Variants in FRMD1 observed in about 807,000 individuals in gnomAD.
FRMD1 encodes the protein FERM domain containing 1, also known as FERM domain-containing protein 1.
FRMD1 carries 51 observed loss-of-function variants against 54.9 expected under a neutral mutation model. That is an observed-to-expected ratio of 0.93 (90% CI 0.74 to 1.17). FRMD1 has a LOEUF of 1.17. Among genes scored for constraint, FRMD1 ranks in the 50% most tolerant of loss-of-function variants. The pLI is 0.00. For synonymous variants in FRMD1, 324 were observed against 306.4 expected (o/e 1.06, Z -0.60); for missense variants, 729 against 743.0 (o/e 0.98, Z 0.22).
At chr6:168,062,744 G>A (rs1217266739) in intron 7 of FRMD1, 150 bp downstream of exon 7, 31 of 1,568,724 alleles carry the variant, frequency 2.0e-5, no homozygotes, top group African/African-American at 9.5e-5. Flanking sequence ...CACCTCCTGC[G>A]GGACAGCAGA....
Position 168,054,200 on chromosome 6 carries a change from G to T in FRMD1, c.*2897C>A, listed in dbSNP as rs1799338543. The T allele has an allele frequency of 6.6e-6, 1 of 152,268 alleles. No individual in the cohort carries two copies. Among genetic ancestry groups the T allele is most frequent in the Non-Finnish European group, 1.5e-5 (1 of 68,094 alleles). The allele number at this position is 152,268 out of a possible 1,614,324, so 9.4% of individuals were successfully genotyped here. On this transcript the variant is annotated 3_prime_UTR_variant, in exon 11 of 11. Transcript: ENST00000283309. ...CCAGACCCCCGCAGCAGCAATGCAG[G>T]TTCCGGGGCCCAGCGAGACCCACAG... is the stretch of plus-strand genomic sequence containing the variant.
At chr6:168,061,390 G>A (rs1032250762) in intron 8 of FRMD1, among the ~76,000 whole-genome samples, 10 of 148,828 alleles carry the variant, frequency 6.7e-5, no homozygotes, top group Non-Finnish European at 1.5e-4. Context: ...AGGGAGGGAG[G>A]CCAGGCCTGT....
rs1433647966 is a variant in FRMD1 at position 168,053,258 on chromosome 6, A to T, written c.*3839T>A. Reference sequence around the variant, plus strand: ...TTTCTAACCTTGGCACCTGGAAGGCAGCCTCCCCATCACAGCTCGCCGCCG... The same window carrying T: ...TTTCTAACCTTGGCACCTGGAAGGCTGCCTCCCCATCACAGCTCGCCGCCG... On this transcript the variant is annotated 3_prime_UTR_variant, in exon 11 of 11. Coordinates refer to ENST00000283309, the MANE Select transcript of FRMD1 (RefSeq NM_024919.6). 1 of 152,200 alleles carries T rather than the reference A, an allele frequency of 6.6e-6. No homozygotes were observed. The highest frequency in any genetic ancestry group is 1.9e-4 in the East Asian group (1 of 5,172). The allele number at this position is 152,200 out of a possible 1,614,324, so 9.4% of individuals were successfully genotyped here. A position where few individuals can be genotyped will look rare whatever the true frequency, so the allele number is the denominator to read the frequency against.
intron 3 of FRMD1, 70 bp from the exon 4 acceptor site, chr6:168,066,901 G>T (rs543769946): frequency 2.0e-5 from 31 of 1,581,180 alleles, no homozygotes; most frequent in Non-Finnish European, 3.4e-6. Flanking sequence ...TGTCTTCCCA[G>T]TTGGGGGGGC....
intron 5 of FRMD1, among the ~76,000 whole-genome samples, chr6:168,064,337 G>A (rs1799914680): frequency 6.6e-6 from 1 of 152,230 alleles, no homozygotes; most frequent in African/African-American, 2.4e-5. Flanking sequence ...CATCCCCGGG[G>A]TGACAGCCAT....
intron 4 of FRMD1, chr6:168,066,139 C>T: frequency 1.0e-6 from 1 of 987,982 alleles, no homozygotes; most frequent in Non-Finnish European, 1.2e-6. Context: ...CAGCGACCTC[C>T]AGAAGCCTCG....
At chr6:168,075,382 C>T (rs1275187779) in intron 1 of FRMD1, 47 bp from the exon 2 acceptor site, 7 of 1,502,018 alleles carry the variant, frequency 4.7e-6, no homozygotes, top group Non-Finnish European at 6.4e-6. Flanking sequence ...GGCACCTGTC[C>T]CCAGGGAGGC....
intron 8 of FRMD1, among the ~76,000 whole-genome samples, 186 bp from the exon 9 acceptor site, chr6:168,061,243 C>T (rs142979563): frequency 2.4e-4 from 36 of 152,178 alleles, no homozygotes; most frequent in African/African-American, 5.3e-4. Context: ...GGACGTGGAA[C>T]AGGCAGGGAG....
At position 168,063,828 on chromosome 6, in the gene FRMD1, C is replaced by T. The variant is rs114522649; in HGVS notation, c.649-72G>A. On this transcript the variant is annotated intron_variant, in intron 5 of 10. Transcript: ENST00000283309. ...CTTCCTCCTTGCCAGCCCCCTGCTC[C>T]GAGAAGCTTCCCCAGACTCCCACAG... is the stretch of plus-strand genomic sequence containing the variant. 8.2e-4 allele frequency: 1,214 copies of T among 1,482,780 alleles called. 12 individuals carry two copies. The African/African-American group carries it at 0.015, about 18-fold the overall frequency. The allele number at this position is 1,482,780 out of a possible 1,614,324, so 91.9% of individuals were successfully genotyped here.
chr6:168,053,250 T>A lies in FRMD1; in HGVS notation c.*3847A>T, dbSNP rs1238634764. On this transcript the variant is annotated 3_prime_UTR_variant, in exon 11 of 11. Transcript: ENST00000283309. ...GGATTTGTTTTCTAACCTTGGCACC[T>A]GGAAGGCAGCCTCCCCATCACAGCT... The A allele has an allele frequency of 6.6e-6, 1 of 152,246 alleles. No homozygotes were observed. Among genetic ancestry groups the A allele is most frequent in the Non-Finnish European group, 1.5e-5 (1 of 68,074 alleles). The allele number at this position is 152,246 out of a possible 1,614,324, so 9.4% of individuals were successfully genotyped here.
Position 168,059,062 on chromosome 6 carries a change from G to C in FRMD1, c.1407+62C>G. Reference sequence around the variant, plus strand: ...AAGGTCCCCAGGGCCCCTGACAGGGGACCTAGGAGAAGGGGGTGGAGGAGC... The same window carrying C: ...AAGGTCCCCAGGGCCCCTGACAGGGCACCTAGGAGAAGGGGGTGGAGGAGC... On this transcript the variant is annotated intron_variant, in intron 10 of 10. Transcript: ENST00000283309. The surrounding 1 kb of genome is among the most constrained non-coding windows in gnomAD (Gnocchi z 4.4). 1 of 1,350,642 alleles carries C rather than the reference G, an allele frequency of 7.4e-7. No homozygotes were observed. The highest frequency in any genetic ancestry group is 2.5e-5 in the East Asian group (1 of 40,268). The allele number at this position is 1,350,642 out of a possible 1,614,324, so 83.7% of individuals were successfully genotyped here.
chr6:168,075,370 C>A (rs756202393), intron 1 of FRMD1, 35 bp from the exon 2 acceptor site: 7 of 1,569,190 alleles, frequency 4.5e-6, no homozygotes, highest in South Asian at 1.1e-5. Flanking sequence ...CAGGGAGGGG[C>A]CGGCACCTGT....
rs776229954 is a variant in FRMD1, at chr6:168,061,790, ACCCAG to A, written c.1045+12_1045+16del. 7.8e-6 allele frequency: 12 copies of A among 1,541,614 alleles called. No individual in the cohort carries two copies. The highest frequency in any genetic ancestry group is 1.0e-5 in the Non-Finnish European group (12 of 1,144,252). On this transcript the variant is annotated intron_variant, in intron 8 of 10. Transcript: ENST00000283309. Reference sequence around the variant, plus strand: ...ACAGTCCGGCTGCGGAGCCCAGCATACCCAGCCCAGCCCCACCTTCTGCCTCCTCC... The same window carrying A: ...ACAGTCCGGCTGCGGAGCCCAGCATACCCAGCCCCACCTTCTGCCTCCTCC...
At chr6:168,075,714 A>G in intron 1 of FRMD1, 1 of 1,514,204 alleles carries the variant, frequency 6.6e-7, no homozygotes, top group Non-Finnish European at 9.0e-7. Context: ...TTGGTTCCCC[A>G]TGAGCGCGAG....
At chr6:168,082,129 T>G (rs1167645055), upstream of FRMD1, among the ~76,000 whole-genome samples, 2 of 152,146 alleles carry the variant, frequency 1.3e-5, no homozygotes, top group Non-Finnish European at 2.9e-5. Context: ...GCAGCCTTCA[T>G]GTCCGGGAAT....
Position 168,065,225 on chromosome 6 carries a change from G to T in FRMD1, c.462-168C>A, listed in dbSNP as rs1443641885. On this transcript the variant is annotated intron_variant, in intron 4 of 10. Transcript: ENST00000283309. Reference sequence around the variant, plus strand: ...GCTGTGTCCCTGCAGGGCCAGCACGGCACAGGCCCACACTCTTCCTGGAGC... The same window carrying T: ...GCTGTGTCCCTGCAGGGCCAGCACGTCACAGGCCCACACTCTTCCTGGAGC... 7.8e-6 allele frequency: 11 copies of T among 1,408,824 alleles called. No individual in the cohort carries two copies. The East Asian group carries it at 2.9e-4, about 37-fold the overall frequency. 87.3% of individuals were successfully genotyped at this position (1,408,824 alleles called of 1,614,324 possible).
chr6:168,081,624 G>T, upstream of FRMD1: 2 of 1,087,954 alleles, frequency 1.8e-6, no homozygotes, highest in Non-Finnish European at 2.5e-6. Context: ...CACAGGTTTT[G>T]GAAAACAATG....
upstream of FRMD1, among the ~76,000 whole-genome samples, chr6:168,084,016 C>G (rs187781784): frequency 6.6e-6 from 1 of 152,178 alleles, no homozygotes; most frequent in African/African-American, 2.4e-5. Context: ...GAGGGTACCC[C>G]GAGTCCTGTG....
intron 1 of FRMD1, among the ~76,000 whole-genome samples, chr6:168,088,792 C>T (rs1347327928): frequency 6.6e-6 from 1 of 152,254 alleles, no homozygotes; most frequent in Non-Finnish European, 1.5e-5. Context: ...ACAAGCCTTC[C>T]ACTGCAAGGC....
Sources: allele counts gnomAD v4.1 joint callset (sites outside exome capture counted in the v4.1 genomes callset), GRCh38; gene constraint gnomAD v4.1.1; non-coding constraint Gnocchi (gnomAD v3.1); transcripts MANE v1.5; gene names NCBI Gene and HGNC (gene_info 2026-07-23, HGNC 2026-07-21).